Variants in CAST observed in about 807,000 individuals in gnomAD.
CAST encodes the protein MIR583 host.
Under a neutral mutation model 119.6 loss-of-function variants are expected in CAST, and 76 were observed. That is an observed-to-expected ratio of 0.64 (90% CI 0.53 to 0.77). The LOEUF (loss-of-function observed/expected upper bound fraction) is 0.77, where lower values mean the gene tolerates loss of function less well. Among genes scored for constraint, CAST ranks in the 30% least tolerant of loss-of-function variants. The probability of loss-of-function intolerance (pLI) is 0.00; values close to 1 mark genes in which losing one functional copy is unlikely to be tolerated. For missense variants in CAST, 953 were observed against 946.5 expected, an observed-to-expected ratio of 1.01 and a Z score of -0.09; for synonymous variants, 319 against 331.6, an observed-to-expected ratio of 0.96 and a Z score of 0.41.
chr5:96,364,967 A>G, the CAST span, among the ~76,000 whole-genome samples: 2 of 152,224 alleles, frequency 1.3e-5, no homozygotes, highest in African/African-American at 4.8e-5. Flanking sequence ...ATTTAATGCT[A>G]TAAATTTCCC....
chr5:96,441,745 G>A, the CAST span, among the ~76,000 whole-genome samples: 1 of 152,094 alleles, frequency 6.6e-6, no homozygotes, highest in African/African-American at 2.4e-5. Flanking sequence ...AGATCATGAG[G>A]CACACAGAGA....
chr5:96,676,514 A>C (rs1369997520), intron 2 of CAST, among the ~76,000 whole-genome samples: 2 of 152,152 alleles, frequency 1.3e-5, no homozygotes, highest in Non-Finnish European at 2.9e-5. Flanking sequence ...ATTCTGTACT[A>C]AAGTTTATGC....
chr5:96,315,823 A>G, the CAST span, among the ~76,000 whole-genome samples: 3 of 152,294 alleles, frequency 2.0e-5, no homozygotes, highest in African/African-American at 7.2e-5. Flanking sequence ...GAGCCTCCAT[A>G]TAAGAAGTCC....
At chr5:96,246,877 G>A in the CAST span, among the ~76,000 whole-genome samples, 13 of 152,084 alleles carry the variant, frequency 8.5e-5, no homozygotes, top group Non-Finnish European at 1.8e-4. Context: ...TCTAGAAAAC[G>A]GGAATTAACC....
At chr5:96,014,502 G>A in the CAST span, among the ~76,000 whole-genome samples, 1 of 152,238 alleles carries the variant, frequency 6.6e-6, no homozygotes. Flanking sequence ...ACATAATTGT[G>A]TGTACTAGAC....
At chr5:96,475,405 G>T in the CAST span, among the ~76,000 whole-genome samples, 165 of 152,318 alleles carry the variant, frequency 1.1e-3, no homozygotes, top group African/African-American at 3.8e-3. Flanking sequence ...GTTTCAAAGA[G>T]ACATAAATAA....
At chr5:96,178,171 C>A in the CAST span, among the ~76,000 whole-genome samples, 1 of 152,320 alleles carries the variant, frequency 6.6e-6, no homozygotes, top group East Asian at 1.9e-4. Context: ...CAAGATCAGT[C>A]TCAAGATTTC....
At chr5:96,072,894 A>C in the CAST span, among the ~76,000 whole-genome samples, 1 of 152,244 alleles carries the variant, frequency 6.6e-6, no homozygotes, top group Non-Finnish European at 1.5e-5. Context: ...CCCAAATCCA[A>C]GCCCTGTGGC....
upstream of CAST, chr5:96,662,332 C>CCTCCCTCT (rs1394259761): frequency 1.9e-6 from 2 of 1,075,876 alleles, no homozygotes; most frequent in East Asian, 7.2e-5. Context: ...TCCCTCCCTC[C>CCTCCCTCT]CTCCCTCTCT....
chr5:96,607,677 A>T (rs867481627), intron 1 of CAST, among the ~76,000 whole-genome samples: 1 of 113,618 alleles, frequency 8.8e-6, no homozygotes, highest in South Asian at 3.4e-4. Context: ...CAGTTTACTC[A>T]GCTGCTCTTT....
rs763715663 is a variant in CAST, at chr5:96,747,405, A to AT, written c.1332+20dup. ...AGAAAAACCCAAGGTTAGGAAATAC[A>AT]TTTTTTTCTGATACTTAAAGAACAA... On this transcript the variant is annotated intron_variant, in intron 18 of 31. Transcript: ENST00000675179. 2.4e-5 allele frequency: 37 copies of AT among 1,537,394 alleles called. No individual in the cohort carries two copies. In the Admixed American group the frequency reaches 5.7e-4, roughly 24 times the overall value.
At chr5:96,416,949 C>A in the CAST span, among the ~76,000 whole-genome samples, 1 of 152,156 alleles carries the variant, frequency 6.6e-6, no homozygotes, top group Non-Finnish European at 1.5e-5. Context: ...GGAGGGCCAA[C>A]AAGCCAAAAG....
intron 1 of CAST, among the ~76,000 whole-genome samples, chr5:96,559,470 G>C (rs1166819646): frequency 6.6e-6 from 1 of 152,146 alleles, no homozygotes; most frequent in Non-Finnish European, 1.5e-5. Context: ...CATCGTCTCA[G>C]CCCAAAATCT....
At chr5:96,461,835 A>T in the CAST span, among the ~76,000 whole-genome samples, 1 of 152,168 alleles carries the variant, frequency 6.6e-6, no homozygotes, top group African/African-American at 2.4e-5. Context: ...TTTTGTGCTA[A>T]GTGCTGATGT....
chr5:96,381,786 T>G, the CAST span, among the ~76,000 whole-genome samples: 1 of 152,244 alleles, frequency 6.6e-6, no homozygotes, highest in East Asian at 1.9e-4. Context: ...TTGTGGTTAA[T>G]ACATCTGACA....
At chr5:96,230,328 T>C in the CAST span, among the ~76,000 whole-genome samples, 1 of 152,196 alleles carries the variant, frequency 6.6e-6, no homozygotes. Flanking sequence ...AGGTCCACTG[T>C]CTTCATTGGC....
At chr5:96,291,392 A>G in the CAST span, among the ~76,000 whole-genome samples, 1 of 152,232 alleles carries the variant, frequency 6.6e-6, no homozygotes, top group African/African-American at 2.4e-5. Context: ...TAATGTGTAC[A>G]AATTCTCTTT....
At position 96,675,544 on chromosome 5, in the gene CAST, C is replaced by T. The variant is rs1402858367; in HGVS notation, c.81C>T (p.Val27=). Residue 27 remains valine (V), a synonymous_variant, in exon 2 of 32, where the codon GTC becomes GTT. Transcript: ENST00000675179. ...TATTTTTTACTTTTTTATAGCATGT[C>T]AGTGAAAAAACCAGTGAATCGCCTT... is the stretch of plus-strand genomic sequence containing the variant. The part of the protein sequence containing the change: ...AAAARRTHEH[V]SEKTSESPSK... 6.2e-7 allele frequency: 1 copy of T among 1,611,068 alleles called. No homozygotes were observed. The highest frequency in any genetic ancestry group is 8.5e-7 in the Non-Finnish European group (1 of 1,177,438).
the CAST span, among the ~76,000 whole-genome samples, chr5:96,269,642 A>G: frequency 6.6e-6 from 1 of 152,226 alleles, no homozygotes; most frequent in East Asian, 1.9e-4. Flanking sequence ...ATATATGCCA[A>G]CAAATTGGAA....
Sources: allele counts gnomAD v4.1 joint callset (sites outside exome capture counted in the v4.1 genomes callset), GRCh38; gene constraint gnomAD v4.1.1; transcripts MANE v1.5; gene names NCBI Gene and HGNC (gene_info 2026-07-23, HGNC 2026-07-21).